Variants in CSMD1 observed in about 807,000 individuals in gnomAD.
CSMD1 encodes the protein CUB and Sushi multiple domains 1.
In CSMD1, 213 loss-of-function variants were observed where a neutral mutation model predicts 417.5. That is an observed-to-expected ratio of 0.51 (90% CI 0.46 to 0.57). The LOEUF (loss-of-function observed/expected upper bound fraction) is 0.57, where lower values mean the gene tolerates loss of function less well. CSMD1 is among the 20% of genes least tolerant of loss of function. The pLI, the probability that CSMD1 is intolerant of heterozygous loss-of-function variation, is 0.00. For missense variants in CSMD1, 6,923 were observed against 4,529.7 expected (o/e 1.53, Z -15.17); for synonymous variants, 2,862 against 1,736.8 (o/e 1.65, Z -16.11).
chr8:3,939,918 T>G (rs1258369033), intron 5 of CSMD1, among the ~76,000 whole-genome samples: 1 of 152,066 alleles, frequency 6.6e-6, no homozygotes, highest in African/African-American at 2.4e-5. Flanking sequence ...CACTGTAAAC[T>G]TCTCGGATGA....
intron 6 of CSMD1, among the ~76,000 whole-genome samples, chr8:3,714,009 G>T (rs572229653): frequency 1.4e-5 from 2 of 140,188 alleles, no homozygotes; most frequent in Non-Finnish European, 3.1e-5. Flanking sequence ...CCTTAGAATT[G>T]CAAGGGCTCA....
chr8:4,750,379 T>C (rs1165037300), intron 1 of CSMD1, among the ~76,000 whole-genome samples: 1 of 152,186 alleles, frequency 6.6e-6, no homozygotes, highest in African/African-American at 2.4e-5. Flanking sequence ...AAAAGTAGTT[T>C]AGGGTTATCA....
At chr8:3,240,169 G>A (rs937960149) in intron 26 of CSMD1, among the ~76,000 whole-genome samples, 17 of 152,114 alleles carry the variant, frequency 1.1e-4, no homozygotes, top group Non-Finnish European at 2.4e-4. Context: ...TGCGGTCCCG[G>A]TTCTTGTGTA....
intron 3 of CSMD1, among the ~76,000 whole-genome samples, chr8:4,226,816 G>A (rs939744379): frequency 6.6e-6 from 1 of 152,164 alleles, no homozygotes. Flanking sequence ...AGTAAAGTTG[G>A]GTTGTTGAAA....
chr8:3,586,051 G>A (rs1049425297), intron 9 of CSMD1, 85 bp downstream of exon 9: 3 of 1,370,430 alleles, frequency 2.2e-6, no homozygotes, highest in Non-Finnish European at 3.0e-6. Context: ...CATACACAAT[G>A]CTTCATGCTT....
chr8:3,609,186 G>A (rs1320032427), intron 8 of CSMD1, among the ~76,000 whole-genome samples: 1 of 152,164 alleles, frequency 6.6e-6, no homozygotes, highest in East Asian at 1.9e-4. Flanking sequence ...TTATAAACAT[G>A]AGGATAATTA....
intron 5 of CSMD1, among the ~76,000 whole-genome samples, chr8:3,993,807 A>T (rs1426575406): frequency 6.6e-6 from 1 of 152,134 alleles, no homozygotes; most frequent in African/African-American, 2.4e-5. Flanking sequence ...TGTTTGTTTC[A>T]CTTGCATTAT....
intron 1 of CSMD1, among the ~76,000 whole-genome samples, chr8:4,845,672 G>A (rs548975912): frequency 6.6e-6 from 1 of 152,178 alleles, no homozygotes; most frequent in Non-Finnish European, 1.5e-5. Context: ...AGAAAGATGT[G>A]TAATATTTTG....
chr8:3,974,380 A>G (rs898699922), intron 5 of CSMD1, among the ~76,000 whole-genome samples: 7 of 152,050 alleles, frequency 4.6e-5, no homozygotes, highest in African/African-American at 9.7e-5. Context: ...CTTTTAAAAG[A>G]AGGAGGAAAT....
chr8:4,200,793 G>C (rs561404387), intron 3 of CSMD1, among the ~76,000 whole-genome samples: 10 of 152,162 alleles, frequency 6.6e-5, no homozygotes, highest in East Asian at 1.9e-4. Flanking sequence ...TGGAGACGGA[G>C]GCTTCAGTGA....
chr8:3,251,496 A>C (rs575597655), intron 26 of CSMD1, among the ~76,000 whole-genome samples: 1 of 152,108 alleles, frequency 6.6e-6, no homozygotes, highest in African/African-American at 2.4e-5. Context: ...GTCAGGTAGC[A>C]TGATGCCTCC....
At chr8:4,466,364 G>C (rs1800168969) in intron 2 of CSMD1, among the ~76,000 whole-genome samples, 2 of 152,118 alleles carry the variant, frequency 1.3e-5, no homozygotes, top group Admixed American at 6.5e-5. Flanking sequence ...ACAAGGACTA[G>C]CCATGGAGAT....
intron 5 of CSMD1, among the ~76,000 whole-genome samples, chr8:3,832,703 G>A (rs2129088507): frequency 6.6e-6 from 1 of 152,228 alleles, no homozygotes. Flanking sequence ...CTGTATTTCA[G>A]AACGAAACAA....
intron 52 of CSMD1, among the ~76,000 whole-genome samples, chr8:3,017,824 AAAAAAAAAAAAGG>A (rs1342810604): frequency 7.3e-6 from 1 of 137,762 alleles, no homozygotes; most frequent in Non-Finnish European, 1.5e-5. Flanking sequence ...AAAAAAAAAA[AAAAAAAAAAAAGG>A]AAGAACGCGT....
chr8:3,254,872 G>T (rs534353847), intron 26 of CSMD1, among the ~76,000 whole-genome samples: 1 of 152,174 alleles, frequency 6.6e-6, no homozygotes, highest in East Asian at 1.9e-4. Flanking sequence ...CTCTCAACTT[G>T]TCAAAGTCAT....
intron 3 of CSMD1, among the ~76,000 whole-genome samples, chr8:4,169,599 T>C (rs1305870441): frequency 1.3e-5 from 2 of 152,108 alleles, no homozygotes; most frequent in East Asian, 3.9e-4. Context: ...TAGAAGAATC[T>C]TGTGAAATAT....
At chr8:3,735,278 C>A (rs1796474633) in intron 6 of CSMD1, among the ~76,000 whole-genome samples, 1 of 151,312 alleles carries the variant, frequency 6.6e-6, no homozygotes, top group East Asian at 2.0e-4. Context: ...CAAAACTTGG[C>A]TTATACATCA....
chr8:4,958,241 AAT>A (rs1585407714), intron 1 of CSMD1, among the ~76,000 whole-genome samples: 1 of 152,332 alleles, frequency 6.6e-6, no homozygotes, highest in African/African-American at 2.4e-5. Flanking sequence ...CAATATATTC[AAT>A]ATGAGATTAG....
intron 6 of CSMD1, among the ~76,000 whole-genome samples, chr8:3,730,503 G>A (rs1244489669): frequency 1.3e-5 from 2 of 151,810 alleles, no homozygotes; most frequent in African/African-American, 2.4e-5. Flanking sequence ...GACTGATGCT[G>A]ATTTGGCCCC....
Sources: gnomAD v4.1 joint callset for allele counts (sites outside exome capture counted in the v4.1 genomes callset) on GRCh38, gnomAD v4.1.1 for gene constraint, MANE v1.5 for transcripts, NCBI Gene and HGNC (gene_info 2026-07-23, HGNC 2026-07-21) for gene names.